The following SAMD3 variants were observed in gnomAD, a reference collection of about 807,000 sequenced individuals.
SAMD3 encodes the protein sterile alpha motif domain containing 3, also known as sterile alpha motif domain-containing protein 3.
Under a neutral mutation model 58.5 loss-of-function variants are expected in SAMD3, and 63 were observed. The observed-to-expected ratio is 1.08, with a 90% CI of 0.88 to 1.33. SAMD3 has a LOEUF of 1.33. SAMD3 is among the 40% of genes most tolerant of loss of function. The probability of loss-of-function intolerance (pLI) is 0.00; values close to 1 mark genes in which losing one functional copy is unlikely to be tolerated. For missense variants in SAMD3, 604 were observed against 608.4 expected, an observed-to-expected ratio of 0.99 and a Z score of 0.08; for synonymous variants, 220 against 210.3, an observed-to-expected ratio of 1.05 and a Z score of -0.40.
At chr6:130,203,652 C>A (rs1794834130) in intron 5 of SAMD3, among the ~76,000 whole-genome samples, 3 of 152,220 alleles carry the variant, frequency 2.0e-5, no homozygotes, top group Non-Finnish European at 4.4e-5. Flanking sequence ...CTTAATACAT[C>A]TGTTCCTTCA....
intron 8 of SAMD3, among the ~76,000 whole-genome samples, chr6:130,171,016 T>G (rs1266840607): frequency 6.6e-6 from 1 of 152,252 alleles, no homozygotes; most frequent in Non-Finnish European, 1.5e-5. Flanking sequence ...CCTTGTCTTG[T>G]GCTGGTTTTC....
At chr6:130,269,481 G>A (rs1367734028) in intron 2 of SAMD3, among the ~76,000 whole-genome samples, 5 of 152,088 alleles carry the variant, frequency 3.3e-5, no homozygotes, top group Admixed American at 6.6e-5. Flanking sequence ...TTTCTCCTAA[G>A]TTGTTGAATT....
At chr6:130,162,855 GTAGCCAC>G (rs1224414286) in intron 8 of SAMD3, among the ~76,000 whole-genome samples, 2 of 152,162 alleles carry the variant, frequency 1.3e-5, no homozygotes, top group African/African-American at 4.8e-5. Flanking sequence ...GTCCAGTATG[GTAGCCAC>G]TAGCCACATG....
intron 1 of SAMD3, among the ~76,000 whole-genome samples, chr6:130,327,909 G>A (rs1776806884): frequency 6.6e-6 from 1 of 152,112 alleles, no homozygotes; most frequent in Admixed American, 6.5e-5. Context: ...TAATTAAAAA[G>A]CATTTTTTCA....
chr6:130,145,423 C>T lies in SAMD3; in HGVS notation c.1196-1G>A, dbSNP rs748372297. On this transcript the variant is annotated splice_acceptor_variant, in intron 10 of 11. Coordinates refer to ENST00000439090, the MANE Select transcript of SAMD3 (RefSeq NM_001017373.4). LOFTEE classifies it high-confidence loss of function. Reference sequence around the variant, plus strand: ...AAACATGTGGCTGTCATCTTCATGTCTGTCAAAGCAAATATGTTAACATGT... The same window carrying T: ...AAACATGTGGCTGTCATCTTCATGTTTGTCAAAGCAAATATGTTAACATGT... 1 of 1,604,670 alleles carries T rather than the reference C, an allele frequency of 6.2e-7. No individual in the cohort carries two copies. Among genetic ancestry groups the T allele is most frequent in the Non-Finnish European group, 8.5e-7 (1 of 1,172,574 alleles).
At chr6:130,170,878 C>T (rs964668099) in intron 8 of SAMD3, among the ~76,000 whole-genome samples, 8 of 152,146 alleles carry the variant, frequency 5.3e-5, no homozygotes, top group Non-Finnish European at 7.4e-5. Flanking sequence ...ACAATCATGT[C>T]GTCTGCAAAC....
In SAMD3 at chr6:130,285,541, G is replaced by A. The variant is rs115767742; in HGVS notation, c.-188+27437C>T. ...GCCAGTTGGAAGCATGAGGGTGCAC[G>A]GTTGAGGATAAAAAGCCAATATGCT... On this transcript the variant is annotated intron_variant, in intron 2 of 13. Transcript: ENST00000368134. 2.5e-3 allele frequency among the ~76,000 whole-genome samples: 384 copies of A among 152,286 alleles called. 3 individuals carry two copies. Among genetic ancestry groups the A allele is most frequent in the African/African-American group, 8.9e-3 (368 of 41,558 alleles).
intron 7 of SAMD3, among the ~76,000 whole-genome samples, chr6:130,178,079 AT>A (rs1463177317): frequency 6.6e-6 from 1 of 151,954 alleles, no homozygotes; most frequent in Non-Finnish European, 1.5e-5. Flanking sequence ...GGCTCAAGCG[AT>A]TCTCCTGCCT....
intron 7 of SAMD3, among the ~76,000 whole-genome samples, chr6:130,177,029 A>G (rs1051657774): frequency 6.6e-6 from 1 of 152,206 alleles, no homozygotes; most frequent in Admixed American, 6.5e-5. Context: ...CTGTATTAGA[A>G]TCTCATAGGA....
intron 2 of SAMD3, among the ~76,000 whole-genome samples, chr6:130,299,439 A>G (rs1246648673): frequency 6.6e-6 from 1 of 152,198 alleles, no homozygotes; most frequent in East Asian, 1.9e-4. Context: ...GACACAACAC[A>G]CCAAAATCTC....
rs745544592 is a variant in SAMD3 at position 130,155,016 on chromosome 6, C to A, written c.832G>T (p.Val278Phe). 6.2e-6 allele frequency: 10 copies of A among 1,612,272 alleles called. No homozygotes were observed. In the Admixed American group the frequency reaches 1.5e-4, roughly 24 times the overall value. Residue 278 changes from valine to phenylalanine, a missense_variant, in exon 9 of 12, where the codon GTT (valine) becomes TTT (phenylalanine). Coordinates refer to ENST00000439090, the MANE Select transcript of SAMD3 (RefSeq NM_001017373.4). Reference sequence around the variant, plus strand: ...TCATCTAGCTCAGAATCAAAACAAACAGCTTCTTCCTGCAAAACATTTTCA... The same window carrying A: ...TCATCTAGCTCAGAATCAAAACAAAAAGCTTCTTCCTGCAAAACATTTTCA... The part of the protein sequence containing the change: ...IKLVQIKEEA[V>F]CFDSELDEHI...
chr6:130,180,505 C>T (rs1484360094), intron 7 of SAMD3, among the ~76,000 whole-genome samples: 4 of 151,008 alleles, frequency 2.6e-5, no homozygotes, highest in Non-Finnish European at 5.9e-5. Flanking sequence ...CCAAAACAAA[C>T]AAACAAGCAA....
chr6:130,288,602 A>T (rs1198127936), intron 2 of SAMD3, among the ~76,000 whole-genome samples: 1 of 152,196 alleles, frequency 6.6e-6, no homozygotes, highest in Non-Finnish European at 1.5e-5. Context: ...GGGTAGGAGG[A>T]GGGTCACCTC....
intron 8 of SAMD3, among the ~76,000 whole-genome samples, chr6:130,159,284 G>A (rs1314106936): frequency 6.6e-6 from 1 of 152,210 alleles, no homozygotes; most frequent in Non-Finnish European, 1.5e-5. Flanking sequence ...CACAGAAGAT[G>A]TGACTTTCTC....
intron 5 of SAMD3, among the ~76,000 whole-genome samples, chr6:130,199,992 T>G (rs1246591135): frequency 6.6e-6 from 1 of 152,158 alleles, no homozygotes; most frequent in Non-Finnish European, 1.5e-5. Flanking sequence ...TCAGGCACCA[T>G]GTCTTGGCAA....
In SAMD3 at chr6:130,305,000, T is replaced by C. The variant is rs539924380; in HGVS notation, c.-188+7978A>G. ...CCCAGGCTGGAGTGCAGTGGTGCAA[T>C]CTTGGCTCACTGTAGCCTCTGTCTC... is the stretch of plus-strand genomic sequence containing the variant. On this transcript the variant is annotated intron_variant, in intron 2 of 13. Transcript: ENST00000368134. Among the ~76,000 whole-genome samples the C allele has an allele frequency of 5.5e-4, 77 of 139,648 alleles. 2 individuals carry two copies. In the South Asian group the frequency reaches 0.018, roughly 32 times the overall value. The allele number at this position is 139,648 out of a possible 152,430, so 91.6% of individuals were successfully genotyped here. A position where few individuals can be genotyped will look rare whatever the true frequency, so the allele number is the denominator to read the frequency against.
chr6:130,236,877 A>G (rs1444095586), intron 2 of SAMD3, among the ~76,000 whole-genome samples: 1 of 152,192 alleles, frequency 6.6e-6, no homozygotes, highest in African/African-American at 2.4e-5. Context: ...TTATTTTGAA[A>G]GATTTTTCCC....
rs538053013 is a variant in SAMD3 at position 130,233,223 on chromosome 6, C to T, written c.-187-10410G>A. On this transcript the variant is annotated intron_variant, in intron 2 of 13. Coordinates refer to the SAMD3 transcript ENST00000368134. ...GGTCCAGTAATTCACTAGAAAGCAT[C>T]ACAGAACTCATTTAAGTGCTGTACT... Among the ~76,000 whole-genome samples, 4 of 152,256 alleles carry T rather than the reference C, an allele frequency of 2.6e-5. No homozygotes were observed. In the South Asian group the frequency reaches 8.3e-4, roughly 32 times the overall value.
rs547075781 is a variant in SAMD3, at chr6:130,360,704, T to A, written c.-304+4416A>T. Among the ~76,000 whole-genome samples the A allele has an allele frequency of 3.3e-5, 5 of 152,290 alleles. No homozygotes were observed. In the South Asian group the frequency reaches 1.0e-3, roughly 32 times the overall value. On this transcript the variant is annotated intron_variant, in intron 1 of 13. Transcript: ENST00000368134. ...GAGAGCAACCAGTCTGACCAAAATT[T>A]ATTAGGCGTGAATTTCCTCTTCCTA...
Sources: allele counts gnomAD v4.1 joint callset (sites outside exome capture counted in the v4.1 genomes callset), GRCh38; gene constraint gnomAD v4.1.1; transcripts MANE v1.5; gene names NCBI Gene and HGNC (gene_info 2026-07-23, HGNC 2026-07-21).